Variants in ANKHD1 observed in about 807,000 individuals in gnomAD.
The protein encoded by ANKHD1 is ankyrin repeat and KH domain-containing protein 1.
In ANKHD1, 31 loss-of-function variants were observed where a neutral mutation model predicts 230.5. That is an observed-to-expected ratio of 0.13 (90% CI 0.10 to 0.18). The LOEUF is 0.18. ANKHD1 is among the 10% of genes least tolerant of loss of function. The probability of loss-of-function intolerance (pLI) is 1.00; values close to 1 mark genes in which losing one functional copy is unlikely to be tolerated. For missense variants in ANKHD1, 2,256 were observed against 3,071.3 expected (o/e 0.73, Z 6.27); for synonymous variants, 1,074 against 1,117.6 (o/e 0.96, Z 0.78).
intron 14 of ANKHD1, among the ~76,000 whole-genome samples, chr5:140,488,954 G>T (rs574600412): frequency 1.3e-5 from 2 of 151,942 alleles, no homozygotes; most frequent in Admixed American, 1.3e-4. Context: ...ACTTTGGCAG[G>T]CCAGGTGGGC....
chr5:140,496,129 G>A (rs992551423), intron 14 of ANKHD1, among the ~76,000 whole-genome samples: 12 of 152,050 alleles, frequency 7.9e-5, no homozygotes, highest in Admixed American at 2.6e-4. Context: ...TATTTTCAAC[G>A]CTATTTTGAT....
intron 1 of ANKHD1, among the ~76,000 whole-genome samples, chr5:140,428,654 A>AGAGGGAGAGGGC (rs1772758459): frequency 6.6e-6 from 1 of 152,206 alleles, no homozygotes; most frequent in African/African-American, 2.4e-5. Context: ...GACCGTGGGG[A>AGAGGGAGAGGGC]GAGGGAGAGG....
intron 15 of ANKHD1, among the ~76,000 whole-genome samples, chr5:140,501,108 T>G (rs1449851218): frequency 6.6e-6 from 1 of 150,604 alleles, no homozygotes; most frequent in Admixed American, 6.6e-5. Context: ...TGTTTTTTTT[T>G]TTTTTTGAGA....
rs369988659 is a variant in ANKHD1 at position 140,485,093 on chromosome 5, T to G, written c.1871-28T>G. 1.3e-6 allele frequency: 2 copies of G among 1,589,256 alleles called. No individual in the cohort carries two copies. The highest frequency in any genetic ancestry group is 1.7e-6 in the Non-Finnish European group (2 of 1,160,828). ...GAACTAGCTTGATGTCAACCTTTGC[T>G]AAGATTGCGATTTATTTTTCTTCAA... On this transcript the variant is annotated intron_variant, in intron 11 of 33. Transcript: ENST00000360839. The surrounding 1 kb of genome is among the most constrained non-coding windows in gnomAD (Gnocchi z 4.8).
rs148936246 is a variant in ANKHD1 at position 140,451,272 on chromosome 5, A to G, written c.1242+1967A>G. 1.2e-4 allele frequency among the ~76,000 whole-genome samples: 18 copies of G among 152,352 alleles called. No individual in the cohort carries two copies. The East Asian group carries it at 3.3e-3, about 28-fold the overall frequency. The stretch of plus-strand genomic sequence containing the variant: ...AATAGCAGTTCCTTGATCTGTTGAC[A>G]TTTATAAATCCTTATTTTCTTTTCA... On this transcript the variant is annotated intron_variant, in intron 7 of 33. Coordinates refer to ENST00000360839, the MANE Select transcript of ANKHD1 (RefSeq NM_017747.3).
intron 1 of ANKHD1, among the ~76,000 whole-genome samples, chr5:140,420,138 G>A (rs1771856061): frequency 6.7e-6 from 1 of 149,982 alleles, no homozygotes; most frequent in Non-Finnish European, 1.5e-5. Context: ...GACTACAGGT[G>A]CACACCACCA....
chr5:140,471,149 G>A (rs1370586948), intron 10 of ANKHD1, among the ~76,000 whole-genome samples: 1 of 152,114 alleles, frequency 6.6e-6, no homozygotes, highest in Non-Finnish European at 1.5e-5. Context: ...AGATTTTGGA[G>A]CATTTCAGAT....
intron 10 of ANKHD1, among the ~76,000 whole-genome samples, chr5:140,469,661 ATATT>A (rs141234773): frequency 2.2e-4 from 33 of 152,290 alleles, no homozygotes; most frequent in African/African-American, 7.7e-4. Context: ...TAAAAATCAG[ATATT>A]TATTCAGTAT....
At chr5:140,451,302 G>A (rs932001901) in intron 7 of ANKHD1, among the ~76,000 whole-genome samples, 7 of 152,080 alleles carry the variant, frequency 4.6e-5, no homozygotes, top group South Asian at 4.1e-4. Flanking sequence ...TTTTCAATTA[G>A]AAATGCATTT....
At chr5:140,464,561 G>T in intron 9 of ANKHD1, 106 bp from the exon 10 acceptor site, 2 of 968,520 alleles carry the variant, frequency 2.1e-6, no homozygotes, top group South Asian at 2.8e-5. Context: ...AATGCATTTT[G>T]ATATTTTCAC....
At position 140,527,652 on chromosome 5, in the gene ANKHD1, T is replaced by C. The variant is rs1446869969; in HGVS notation, c.5088-221T>C. Among the ~76,000 whole-genome samples the C allele has an allele frequency of 6.6e-6, 1 of 152,224 alleles. No individual in the cohort carries two copies. Among genetic ancestry groups the C allele is most frequent in the Non-Finnish European group, 1.5e-5 (1 of 68,040 alleles). On this transcript the variant is annotated intron_variant, in intron 27 of 33. Transcript: ENST00000360839. This position sits in a 1 kb window ranked among gnomAD's most constrained non-coding sequence, Gnocchi z 4.5. The stretch of plus-strand genomic sequence containing the variant: ...TCAATGGCAGTGTAATTTTTAAAAT[T>C]AGGTTCTCTGAAACTGCAGAGCAAT...
rs191421019 is a variant in ANKHD1, at chr5:140,466,199, C to T, written c.1782+1423C>T. ...CTGAGGTCAGGTGTTAAAGACCAGC[C>T]GGACTAACTTGGTGAAACCCTGTCT... is the stretch of plus-strand genomic sequence containing the variant. On this transcript the variant is annotated intron_variant, in intron 10 of 33. Transcript: ENST00000360839. Among the ~76,000 whole-genome samples, 83 of 151,938 alleles carry T rather than the reference C, an allele frequency of 5.5e-4. 1 individual carries two copies. The highest frequency in any genetic ancestry group is 1.7e-3 in the African/African-American group (72 of 41,470).
chr5:140,486,885 A>G (rs1581326187), intron 13 of ANKHD1, 73 bp from the exon 14 acceptor site: 7 of 1,421,724 alleles, frequency 4.9e-6, no homozygotes, highest in Non-Finnish European at 4.8e-6. Flanking sequence ...CTAAAACAGG[A>G]TATCTGTTTC....
intron 1 of ANKHD1, among the ~76,000 whole-genome samples, chr5:140,422,489 G>T (rs1772061510): frequency 1.3e-5 from 2 of 152,102 alleles, no homozygotes; most frequent in African/African-American, 4.8e-5. Context: ...CTTTGTGCTA[G>T]ACTTTGGACT....
In ANKHD1 at chr5:140,449,144, C is replaced by G. The variant is rs188441512; in HGVS notation, c.1148-67C>G. Reference sequence around the variant, plus strand: ...TATAGACATCTGAAGAAAAAGATTCCATACCTCAATATTTAAATATTAAAC... The same window carrying G: ...TATAGACATCTGAAGAAAAAGATTCGATACCTCAATATTTAAATATTAAAC... On this transcript the variant is annotated intron_variant, in intron 6 of 33. Transcript: ENST00000360839. 266 of 1,453,524 alleles carry G rather than the reference C, an allele frequency of 1.8e-4. 2 individuals are homozygous for G. Among genetic ancestry groups the G allele is most frequent in the Non-Finnish European group, 4.0e-5 (43 of 1,072,574 alleles). The allele number at this position is 1,453,524 out of a possible 1,614,324, so 90.0% of individuals were successfully genotyped here.
intron 1 of ANKHD1, among the ~76,000 whole-genome samples, chr5:140,427,592 G>A (rs1293429120): frequency 3.4e-5 from 5 of 145,268 alleles, no homozygotes; most frequent in Admixed American, 6.7e-5. Context: ...CTGGCCGGGC[G>A]GGGGGCTGAC....
chr5:140,459,095 A>G (rs1176390622), intron 8 of ANKHD1, 69 bp from the exon 9 acceptor site: 3 of 1,319,208 alleles, frequency 2.3e-6, no homozygotes, highest in African/African-American at 1.5e-5. Context: ...GATTATCACA[A>G]TTCAGAAAAT....
At chr5:140,529,859 T>A (rs1413625205) in intron 29 of ANKHD1, 63 bp downstream of exon 29, 2 of 1,557,150 alleles carry the variant, frequency 1.3e-6, no homozygotes, top group Admixed American at 1.9e-5. Context: ...TCACCTTAAG[T>A]GGACAAAAAA....
intron 30 of ANKHD1, among the ~76,000 whole-genome samples, chr5:140,536,086 T>TATTG (rs199726164): frequency 3.9e-4 from 60 of 152,206 alleles, no homozygotes; most frequent in Non-Finnish European, 5.6e-4. Context: ...TCCTTTGTTC[T>TATTG]ATTGATTGAT....
Sources: allele counts gnomAD v4.1 joint callset (sites outside exome capture counted in the v4.1 genomes callset), GRCh38; gene constraint gnomAD v4.1.1; non-coding constraint Gnocchi (gnomAD v3.1); transcripts MANE v1.5; gene names NCBI Gene and HGNC (gene_info 2026-07-23, HGNC 2026-07-21).